MYO1D: variants seen among roughly 807,000 people sequenced by gnomAD.
MYO1D encodes unconventional myosin-Id.
Under a neutral mutation model 122.0 loss-of-function variants are expected in MYO1D, and 83 were observed. The ratio of observed to expected loss-of-function variants is 0.68; its 90% CI spans 0.57 to 0.82. The LOEUF is 0.82. Among genes scored for constraint, MYO1D ranks in the 40% least tolerant of loss-of-function variants. The pLI, the probability that MYO1D is intolerant of heterozygous loss-of-function variation, is 0.00. For missense variants in MYO1D, 1,157 were observed against 1,269.5 expected (o/e 0.91, Z 1.35); for synonymous variants, 464 against 446.9 (o/e 1.04, Z -0.48).
At chr17:32,573,108 G>GC (rs2087246439) in intron 21 of MYO1D, among the ~76,000 whole-genome samples, 1 of 152,050 alleles carries the variant, frequency 6.6e-6, no homozygotes, top group Non-Finnish European at 1.5e-5. Flanking sequence ...GTGTTCTGTA[G>GC]CCTTAATTAA....
At chr17:32,730,719 G>C (rs796389960) in intron 14 of MYO1D, among the ~76,000 whole-genome samples, 6 of 152,160 alleles carry the variant, frequency 3.9e-5, no homozygotes, top group African/African-American at 1.4e-4. Context: ...ATTTTACTAG[G>C]TGTCTATATG....
chr17:32,711,839 T>G (rs549790128), intron 16 of MYO1D, 149 bp downstream of exon 16: 32 of 651,554 alleles, frequency 4.9e-5, no homozygotes, highest in Non-Finnish European at 7.6e-5. Context: ...GTTTTCCATG[T>G]GTGAAGGCAA....
At chr17:32,871,516 T>G (rs959059679) in intron 1 of MYO1D, among the ~76,000 whole-genome samples, 3 of 152,070 alleles carry the variant, frequency 2.0e-5, no homozygotes, top group Non-Finnish European at 4.4e-5. Flanking sequence ...CAAAACCCAG[T>G]AAGAAAAGAG....
chr17:32,691,573 A>T (rs2150974251), intron 16 of MYO1D, among the ~76,000 whole-genome samples: 1 of 151,778 alleles, frequency 6.6e-6, no homozygotes, highest in South Asian at 2.1e-4. Context: ...TGCCCGGTTA[A>T]TTTTTGTATT....
intron 1 of MYO1D, among the ~76,000 whole-genome samples, chr17:32,803,743 G>C (rs1184725726): frequency 1.3e-5 from 2 of 152,166 alleles, no homozygotes; most frequent in Admixed American, 1.3e-4. Context: ...TGCGAAGGAA[G>C]TGATGCAATA....
intron 21 of MYO1D, among the ~76,000 whole-genome samples, chr17:32,583,704 T>A (rs1318367869): frequency 6.6e-6 from 1 of 152,094 alleles, no homozygotes; most frequent in Non-Finnish European, 1.5e-5. Context: ...TAGTTTTCAT[T>A]TCTAAAAGTT....
At chr17:32,739,229 G>C (rs1203142833) in intron 13 of MYO1D, among the ~76,000 whole-genome samples, 1 of 151,960 alleles carries the variant, frequency 6.6e-6, no homozygotes, top group Admixed American at 6.5e-5. Context: ...TAAAAAATTG[G>C]GGGTTGAGCA....
intron 1 of MYO1D, among the ~76,000 whole-genome samples, chr17:32,826,065 A>AAG (rs1056396561): frequency 6.6e-6 from 1 of 151,598 alleles, no homozygotes; most frequent in Non-Finnish European, 1.5e-5. Flanking sequence ...AAAAAAAAAA[A>AAG]AAAAGTGTAT....
chr17:32,517,707 C>T (rs1331258412), intron 21 of MYO1D, among the ~76,000 whole-genome samples: 1 of 152,194 alleles, frequency 6.6e-6, no homozygotes, highest in Non-Finnish European at 1.5e-5. Flanking sequence ...CAGATAAATG[C>T]TCCAATTAGC....
chr17:32,870,165 C>A (rs1398115272), intron 1 of MYO1D, among the ~76,000 whole-genome samples: 1 of 152,110 alleles, frequency 6.6e-6, no homozygotes, highest in Non-Finnish European at 1.5e-5. Flanking sequence ...GCTCCAAAAC[C>A]CAAATTCCCA....
chr17:32,796,150 A>G (rs1315862013), intron 1 of MYO1D, among the ~76,000 whole-genome samples: 6 of 152,172 alleles, frequency 3.9e-5, no homozygotes, highest in Admixed American at 2.6e-4. Flanking sequence ...CTCAATATTT[A>G]TATATTTATT....
intron 1 of MYO1D, among the ~76,000 whole-genome samples, chr17:32,855,060 T>G (rs192795679): frequency 6.6e-6 from 1 of 152,224 alleles, no homozygotes; most frequent in Non-Finnish European, 1.5e-5. Flanking sequence ...AATTGTTGGT[T>G]CCATCCCCAT....
intron 16 of MYO1D, among the ~76,000 whole-genome samples, chr17:32,672,692 G>C (rs1293501353): frequency 1.3e-5 from 2 of 152,012 alleles, no homozygotes; most frequent in East Asian, 3.8e-4. Flanking sequence ...TGCCACGTTG[G>C]CCAGGCAGGT....
chr17:32,664,749 A>C (rs2088614379), intron 16 of MYO1D, among the ~76,000 whole-genome samples: 1 of 152,198 alleles, frequency 6.6e-6, no homozygotes, highest in Non-Finnish European at 1.5e-5. Flanking sequence ...AGGTATAAAC[A>C]GAGAATGCTG....
chr17:32,565,660 G>C (rs2087166293), intron 21 of MYO1D, among the ~76,000 whole-genome samples: 1 of 152,134 alleles, frequency 6.6e-6, no homozygotes, highest in Non-Finnish European at 1.5e-5. Flanking sequence ...TAATGACTTT[G>C]TTACCACTGG....
Position 32,522,017 on chromosome 17 carries a change from A to G in MYO1D, c.2865-27102T>C, listed in dbSNP as rs936848847. Among the ~76,000 whole-genome samples the G allele has an allele frequency of 3.4e-5, 5 of 146,018 alleles. No homozygotes were observed. The Admixed American group carries it at 3.5e-4, about 10-fold the overall frequency. ...GAATTGCTTGAACCCAGCGGGCAGA[A>G]GTTGCAGTGGGCTGAGATCATGCCA... On this transcript the variant is annotated intron_variant, in intron 21 of 21. Transcript: ENST00000318217.
intron 20 of MYO1D, among the ~76,000 whole-genome samples, chr17:32,624,216 G>GTTTT (rs3040378): frequency 1.3e-4 from 18 of 137,906 alleles, no homozygotes; most frequent in South Asian, 2.3e-4. Flanking sequence ...TTTTCTTTAA[G>GTTTT]TTTTTTTTTT....
At chr17:32,773,088 C>G (rs568218631) in intron 4 of MYO1D, among the ~76,000 whole-genome samples, 1 of 152,254 alleles carries the variant, frequency 6.6e-6, no homozygotes, top group Non-Finnish European at 1.5e-5. Context: ...TGTCCTCCTG[C>G]TCTTTGCTCT....
At chr17:32,668,159 GA>G (rs1306785638) in intron 16 of MYO1D, among the ~76,000 whole-genome samples, 1 of 152,172 alleles carries the variant, frequency 6.6e-6, no homozygotes, top group Non-Finnish European at 1.5e-5. Flanking sequence ...AATTCATCTT[GA>G]AAATCTCTCA....
Sources: allele counts gnomAD v4.1 joint callset (sites outside exome capture counted in the v4.1 genomes callset), GRCh38; gene constraint gnomAD v4.1.1; transcripts MANE v1.5; gene names NCBI Gene and HGNC (gene_info 2026-07-23, HGNC 2026-07-21).